Variants in CCSER1 observed in about 807,000 individuals in gnomAD.
CCSER1 encodes the protein serine-rich coiled-coil domain-containing protein 1.
Under a neutral mutation model 82.0 loss-of-function variants are expected in CCSER1, and 41 were observed. The ratio of observed to expected loss-of-function variants is 0.50; its 90% CI spans 0.39 to 0.65. The LOEUF (loss-of-function observed/expected upper bound fraction) is 0.65, where lower values mean the gene tolerates loss of function less well. Ranked by LOEUF, CCSER1 falls within the 30% of genes least tolerant of loss-of-function variation. CCSER1 has a pLI of 0.00. For missense variants in CCSER1, 1,119 were observed against 1,064.2 expected (o/e 1.05, Z -0.72); for synonymous variants, 414 against 383.9 (o/e 1.08, Z -0.92).
intron 10 of CCSER1, among the ~76,000 whole-genome samples, chr4:91,489,773 G>A (rs569020102): frequency 7.8e-4 from 41 of 52,738 alleles, no homozygotes; most frequent in African/African-American, 2.2e-3. Flanking sequence ...GGGAGACAGA[G>A]CGAGACTCCA....
chr4:91,060,512 A>C (rs1005417295), intron 9 of CCSER1, among the ~76,000 whole-genome samples: 6 of 152,062 alleles, frequency 3.9e-5, no homozygotes, highest in Non-Finnish European at 8.8e-5. Flanking sequence ...TTATGTGTCC[A>C]CTGGGAAATT....
At chr4:90,888,690 C>G (rs1236133352) in intron 8 of CCSER1, among the ~76,000 whole-genome samples, 2 of 151,946 alleles carry the variant, frequency 1.3e-5, no homozygotes, top group African/African-American at 2.4e-5. Context: ...AAGTTAAGTC[C>G]TTTGAAAGTG....
chr4:91,092,104 A>T (rs1724020456), intron 10 of CCSER1, among the ~76,000 whole-genome samples: 2 of 152,254 alleles, frequency 1.3e-5, no homozygotes, highest in South Asian at 4.1e-4. Context: ...ATCCATTTTA[A>T]TCCTGTCTCT....
intron 10 of CCSER1, among the ~76,000 whole-genome samples, chr4:91,597,840 C>G (rs1212850705): frequency 6.6e-6 from 1 of 152,134 alleles, no homozygotes; most frequent in African/African-American, 2.4e-5. Context: ...ACATAGTGCT[C>G]TCTTCAGGAG....
At chr4:90,709,352 G>C (rs183576637) in intron 6 of CCSER1, among the ~76,000 whole-genome samples, 5 of 152,138 alleles carry the variant, frequency 3.3e-5, no homozygotes, top group Admixed American at 1.3e-4. Context: ...TGTGTGCCAT[G>C]GTGGTTTGTT....
intron 5 of CCSER1, among the ~76,000 whole-genome samples, chr4:90,555,434 T>A (rs1476292551): frequency 6.6e-6 from 1 of 152,136 alleles, no homozygotes; most frequent in Non-Finnish European, 1.5e-5. Context: ...AAGATCCGCT[T>A]TCTTCATTTG....
intron 10 of CCSER1, among the ~76,000 whole-genome samples, chr4:91,428,060 A>G (rs1198996453): frequency 6.6e-6 from 1 of 152,008 alleles, no homozygotes; most frequent in Non-Finnish European, 1.5e-5. Context: ...TTATTTTCTA[A>G]TGAAATTGAA....
rs552229466 is a variant in CCSER1 at position 90,168,266 on chromosome 4, A to G, written c.-42+40435A>G. Among the ~76,000 whole-genome samples the G allele has an allele frequency of 1.5e-4, 23 of 152,262 alleles. 1 individual carries two copies. In the East Asian group the frequency reaches 4.4e-3, roughly 29 times the overall value. On this transcript the variant is annotated intron_variant, in intron 1 of 10. Coordinates refer to ENST00000509176, the MANE Select transcript of CCSER1 (RefSeq NM_001145065.2). ...TTTCATGTGTCTTTTGGCTGCATAA[A>G]TGTCTTCTTTTGAGAAGTGTCTGTT...
chr4:91,178,548 T>G (rs1418331159), intron 10 of CCSER1, among the ~76,000 whole-genome samples: 6 of 152,222 alleles, frequency 3.9e-5, no homozygotes, highest in Non-Finnish European at 8.8e-5. Context: ...AATTGATCCC[T>G]TTACCATTAT....
intron 10 of CCSER1, among the ~76,000 whole-genome samples, chr4:91,204,582 T>A (rs1736190631): frequency 6.6e-6 from 1 of 151,852 alleles, no homozygotes; most frequent in South Asian, 2.1e-4. Context: ...TTTAAAACTA[T>A]CTTGCAAGAT....
rs70963067 is a variant in CCSER1, at chr4:90,448,444, A to AATATATAT, written c.1604-19756_1604-19749dup. ...GCTTTTTTTTTCTCTAGGTGAATTG[A>AATATATAT]ATATATATATATATATATATATATA... On this transcript the variant is annotated intron_variant, in intron 4 of 10. Transcript: ENST00000509176. Among the ~76,000 whole-genome samples, 231 of 44,018 alleles carry AATATATAT rather than the reference A, an allele frequency of 5.2e-3. 3 individuals carry two copies. The highest frequency in any genetic ancestry group is 0.062 in the Middle Eastern group (1 of 16). The allele number at this position is 44,018 out of a possible 152,430, so 28.9% of individuals were successfully genotyped here. A position where few individuals can be genotyped will look rare whatever the true frequency, so the allele number is the denominator to read the frequency against.
chr4:90,952,189 A>C lies in CCSER1; in HGVS notation c.2172+28742A>C, dbSNP rs776575710. Among the ~76,000 whole-genome samples the C allele has an allele frequency of 2.8e-4, 42 of 152,104 alleles. 1 individual carries two copies. Among genetic ancestry groups the C allele is most frequent in the Non-Finnish European group, 4.9e-4 (33 of 67,988 alleles). ...TAGAAGGGAGCAAAGCAAATATATA[A>C]AAAGAAAATATCAAGTCAAACTATA... On this transcript the variant is annotated intron_variant, in intron 9 of 10. Coordinates refer to ENST00000509176, the MANE Select transcript of CCSER1 (RefSeq NM_001145065.2).
intron 1 of CCSER1, among the ~76,000 whole-genome samples, chr4:90,193,566 T>A (rs1005530585): frequency 6.8e-6 from 1 of 146,810 alleles, no homozygotes; most frequent in African/African-American, 2.5e-5. Context: ...TTACTTCACT[T>A]GAGCACCATA....
At chr4:90,430,895 A>G (rs1758185000) in intron 4 of CCSER1, among the ~76,000 whole-genome samples, 1 of 151,956 alleles carries the variant, frequency 6.6e-6, no homozygotes, top group African/African-American at 2.4e-5. Context: ...AATAATTTAA[A>G]TTTTTAGTAG....
At chr4:91,002,120 C>A (rs1738091141) in intron 9 of CCSER1, among the ~76,000 whole-genome samples, 1 of 152,172 alleles carries the variant, frequency 6.6e-6, no homozygotes, top group African/African-American at 2.4e-5. Flanking sequence ...GCTGAGAAAT[C>A]TGCTGTTAAT....
At chr4:90,383,794 C>A (rs1288742665) in intron 3 of CCSER1, among the ~76,000 whole-genome samples, 1 of 151,810 alleles carries the variant, frequency 6.6e-6, no homozygotes, top group Non-Finnish European at 1.5e-5. Flanking sequence ...GACAGTGGCA[C>A]AATAATAGGT....
intron 9 of CCSER1, among the ~76,000 whole-genome samples, chr4:91,035,648 A>T (rs992443164): frequency 1.3e-5 from 2 of 152,142 alleles, no homozygotes; most frequent in African/African-American, 4.8e-5. Flanking sequence ...TTTTTAAAAA[A>T]AGCTAGCACC....
chr4:90,655,105 C>G (rs1026523918), intron 6 of CCSER1, among the ~76,000 whole-genome samples: 1 of 151,878 alleles, frequency 6.6e-6, no homozygotes, highest in South Asian at 2.1e-4. Context: ...AAAAAGTATA[C>G]TTGATATTTG....
intron 4 of CCSER1, among the ~76,000 whole-genome samples, chr4:90,411,364 A>C (rs888755618): frequency 1.3e-5 from 2 of 152,218 alleles, no homozygotes; most frequent in Non-Finnish European, 2.9e-5. Context: ...ACACTGATGC[A>C]AAAATCCTCA....
Sources: gnomAD v4.1 joint callset for allele counts (sites outside exome capture counted in the v4.1 genomes callset) on GRCh38, gnomAD v4.1.1 for gene constraint, MANE v1.5 for transcripts, NCBI Gene and HGNC (gene_info 2026-07-23, HGNC 2026-07-21) for gene names.